The following AFAP1 variants were observed in gnomAD, a reference collection of about 807,000 sequenced individuals.
AFAP1 encodes actin filament-associated protein 1.
Under a neutral mutation model 93.9 loss-of-function variants are expected in AFAP1, and 75 were observed. That is an observed-to-expected ratio of 0.80 (90% CI 0.66 to 0.97). The LOEUF (loss-of-function observed/expected upper bound fraction) is 0.97. Ranked by LOEUF, AFAP1 falls within the 50% of genes least tolerant of loss-of-function variation. AFAP1 has a pLI of 0.00. For missense variants in AFAP1, 1,201 were observed against 1,050.8 expected (o/e 1.14, Z -1.98); for synonymous variants, 517 against 430.7 (o/e 1.20, Z -2.48).
chr4:7,935,202 T>C (rs1250554657), intron 1 of AFAP1, among the ~76,000 whole-genome samples: 1 of 152,178 alleles, frequency 6.6e-6, no homozygotes, highest in Admixed American at 6.5e-5. Context: ...CAAAATTCCA[T>C]TACATTCATG....
intron 16 of AFAP1, among the ~76,000 whole-genome samples, chr4:7,770,769 C>T (rs572403356): frequency 3.3e-5 from 5 of 152,226 alleles, no homozygotes; most frequent in African/African-American, 4.8e-5. Flanking sequence ...AGGACGGGGG[C>T]GGGACAGCTC....
intron 1 of AFAP1, among the ~76,000 whole-genome samples, chr4:7,880,777 G>A (rs748115303): frequency 1.3e-5 from 2 of 152,162 alleles, no homozygotes; most frequent in African/African-American, 4.8e-5. Flanking sequence ...GTCTGTCTCC[G>A]CTCTCCTACA....
rs144257362 is a variant in AFAP1, at chr4:7,766,680, C to T, written c.2418+2164G>A. The stretch of plus-strand genomic sequence containing the variant: ...GAATGTGTCACGAGAGGCAGGGGCA[C>T]GAAACCTGGAGCAGCCCAGCGCCTG... On this transcript the variant is annotated intron_variant, in intron 17 of 17. Transcript: ENST00000420658. Among the ~76,000 whole-genome samples the T allele has an allele frequency of 1.5e-3, 234 of 152,218 alleles. 1 individual carries two copies. Among genetic ancestry groups the T allele is most frequent in the Non-Finnish European group, 3.0e-3 (202 of 68,014 alleles).
At chr4:7,781,072 G>A (rs547283619) in intron 13 of AFAP1, among the ~76,000 whole-genome samples, 32 of 124,898 alleles carry the variant, frequency 2.6e-4, no homozygotes, top group East Asian at 4.9e-4. Flanking sequence ...TTTATTACCC[G>A]TTTCTTTTTA....
At chr4:7,880,278 C>CT (rs35346388) in intron 1 of AFAP1, among the ~76,000 whole-genome samples, 54,426 of 120,506 alleles carry the variant, frequency 0.45, 13,213 homozygotes, top group South Asian at 0.55. Context: ...ACCCAAATGC[C>CT]TTTTTTTTTT....
At chr4:7,931,792 G>T (rs1314140650) in intron 1 of AFAP1, among the ~76,000 whole-genome samples, 1 of 152,024 alleles carries the variant, frequency 6.6e-6, no homozygotes, top group Non-Finnish European at 1.5e-5. Flanking sequence ...CAAAATTTTT[G>T]CACAGGATTT....
At chr4:7,778,403 A>G (rs1212378115) in intron 14 of AFAP1, 1 of 355,480 alleles carries the variant, frequency 2.8e-6, no homozygotes, top group Non-Finnish European at 5.3e-6. Flanking sequence ...CTGAGTTTAG[A>G]GTCTGCAAGG....
chr4:7,783,431 C>T (rs577841247), intron 12 of AFAP1, among the ~76,000 whole-genome samples: 14 of 152,310 alleles, frequency 9.2e-5, no homozygotes, highest in African/African-American at 2.6e-4. Flanking sequence ...TGAGCCATCG[C>T]GCCTGGCTAT....
At chr4:7,844,288 G>A (rs1314412371) in intron 4 of AFAP1, among the ~76,000 whole-genome samples, 2 of 152,078 alleles carry the variant, frequency 1.3e-5, no homozygotes, top group Admixed American at 6.5e-5. Flanking sequence ...TAAGAAGAGA[G>A]AGAGAGAGAG....
chr4:7,929,064 A>C (rs2149243576), intron 1 of AFAP1, among the ~76,000 whole-genome samples: 1 of 152,338 alleles, frequency 6.6e-6, no homozygotes, highest in African/African-American at 2.4e-5. Flanking sequence ...CTCTCAGGAG[A>C]GGAGGCAGGG....
chr4:7,880,756 G>C (rs892332336), intron 1 of AFAP1, among the ~76,000 whole-genome samples: 1 of 152,176 alleles, frequency 6.6e-6, no homozygotes, highest in African/African-American at 2.4e-5. Flanking sequence ...GACTGAGGAG[G>C]CTAAAGCATT....
intron 6 of AFAP1, among the ~76,000 whole-genome samples, chr4:7,833,798 C>G (rs1711920307): frequency 6.6e-6 from 1 of 151,894 alleles, no homozygotes; most frequent in Non-Finnish European, 1.5e-5. Flanking sequence ...CCGTGTTATC[C>G]AGGATAGTCC....
At chr4:7,778,645 C>A (rs146036855) in intron 14 of AFAP1, 117 bp downstream of exon 14, 2 of 968,356 alleles carry the variant, frequency 2.1e-6, no homozygotes, top group South Asian at 1.3e-5. Context: ...CGGTGCCCAC[C>A]GCTCCATCTC....
intron 3 of AFAP1, among the ~76,000 whole-genome samples, chr4:7,865,527 A>T (rs1263783602): frequency 6.6e-6 from 1 of 152,248 alleles, no homozygotes; most frequent in Non-Finnish European, 1.5e-5. Context: ...CTAGTTTGCC[A>T]TAACCATTTT....
intron 1 of AFAP1, among the ~76,000 whole-genome samples, chr4:7,912,673 GTA>G (rs199523559): frequency 1.3e-5 from 2 of 151,772 alleles, no homozygotes; most frequent in Non-Finnish European, 2.9e-5. Flanking sequence ...TATTACAGAT[GTA>G]AGTCCTTTAT....
At chr4:7,843,064 G>T (rs1713246986) in intron 5 of AFAP1, 75 bp downstream of exon 5, 1 of 1,493,302 alleles carries the variant, frequency 6.7e-7, no homozygotes, top group Non-Finnish European at 9.2e-7. Flanking sequence ...GATGTTAATG[G>T]TGACTGGATA....
intron 1 of AFAP1, among the ~76,000 whole-genome samples, chr4:7,891,860 G>A (rs901988616): frequency 3.3e-5 from 5 of 151,552 alleles, no homozygotes; most frequent in Non-Finnish European, 7.4e-5. Flanking sequence ...AGACCAGCGT[G>A]GCCAACATGG....
chr4:7,837,679 T>C (rs935112974), intron 6 of AFAP1, among the ~76,000 whole-genome samples: 4 of 151,922 alleles, frequency 2.6e-5, no homozygotes, highest in Admixed American at 1.3e-4. Context: ...ACAGAAATAA[T>C]GGGCTGGAAA....
intron 4 of AFAP1, among the ~76,000 whole-genome samples, chr4:7,849,358 T>TA (rs557380999): frequency 1.7e-3 from 258 of 150,534 alleles, no homozygotes; most frequent in African/African-American, 5.2e-3. Context: ...GTTTCACAAT[T>TA]AAAAAAAAAA....
Sources: allele counts gnomAD v4.1 joint callset (sites outside exome capture counted in the v4.1 genomes callset), GRCh38; gene constraint gnomAD v4.1.1; transcripts MANE v1.5; gene names NCBI Gene and HGNC (gene_info 2026-07-23, HGNC 2026-07-21).